The following SEMA3A variants were observed in gnomAD, a reference collection of about 807,000 sequenced individuals.
The protein encoded by SEMA3A is semaphorin 3A.
Under a neutral mutation model 97.9 loss-of-function variants are expected in SEMA3A, and 29 were observed. The observed-to-expected ratio is 0.30, with a 90% CI of 0.22 to 0.40. SEMA3A has a LOEUF of 0.40. Ranked by LOEUF, SEMA3A falls within the 10% of genes least tolerant of loss-of-function variation. SEMA3A has a pLI of 1.00. For synonymous variants in SEMA3A, 321 were observed against 323.7 expected (o/e 0.99, Z 0.09); for missense variants, 763 against 951.3 (o/e 0.80, Z 2.60).
At chr7:84,023,999 G>A (rs567222176) in intron 6 of SEMA3A, among the ~76,000 whole-genome samples, 20 of 133,452 alleles carry the variant, frequency 1.5e-4, no homozygotes, top group Admixed American at 4.8e-4. Flanking sequence ...GCAACGGAGC[G>A]AGACTCCGTC....
At chr7:84,381,438 C>G (rs1364324829) in intron 1 of SEMA3A, among the ~76,000 whole-genome samples, 1 of 152,152 alleles carries the variant, frequency 6.6e-6, no homozygotes, top group African/African-American at 2.4e-5. Flanking sequence ...GTTTTGTCCC[C>G]AGTCATCTAA....
At chr7:84,089,582 A>G (rs1451449937) in intron 4 of SEMA3A, among the ~76,000 whole-genome samples, 1 of 152,138 alleles carries the variant, frequency 6.6e-6, no homozygotes, top group Non-Finnish European at 1.5e-5. Flanking sequence ...AACTTATGCT[A>G]TAATTGCAAA....
intron 3 of SEMA3A, among the ~76,000 whole-genome samples, chr7:84,273,473 C>T (rs991136725): frequency 6.6e-6 from 1 of 152,108 alleles, no homozygotes; most frequent in African/African-American, 2.4e-5. Context: ...CGCATGAATG[C>T]ATAAAGTGAA....
At chr7:84,090,164 T>G (rs969180143) in intron 4 of SEMA3A, among the ~76,000 whole-genome samples, 1 of 152,114 alleles carries the variant, frequency 6.6e-6, no homozygotes, top group African/African-American at 2.4e-5. Context: ...AGGAGTAATT[T>G]TATGCAGTCC....
At chr7:84,175,686 T>C (rs2116219616) in intron 1 of SEMA3A, among the ~76,000 whole-genome samples, 1 of 152,342 alleles carries the variant, frequency 6.6e-6, no homozygotes, top group Non-Finnish European at 1.5e-5. Flanking sequence ...TGGTTTTTGT[T>C]ATCAAAATGA....
At chr7:84,488,025 T>C (rs2116447147) in intron 1 of SEMA3A, among the ~76,000 whole-genome samples, 1 of 152,208 alleles carries the variant, frequency 6.6e-6, no homozygotes, top group African/African-American at 2.4e-5. Flanking sequence ...GTTGGTTTAA[T>C]AATTATAATA....
intron 1 of SEMA3A, among the ~76,000 whole-genome samples, chr7:84,478,022 C>G (rs1806344568): frequency 6.6e-6 from 1 of 152,100 alleles, no homozygotes; most frequent in African/African-American, 2.4e-5. Flanking sequence ...GAGGTAACAT[C>G]TTTTTAGAGT....
intron 1 of SEMA3A, among the ~76,000 whole-genome samples, chr7:84,381,634 T>G (rs929588578): frequency 6.6e-6 from 1 of 152,156 alleles, no homozygotes; most frequent in African/African-American, 2.4e-5. Flanking sequence ...CTATTTGATC[T>G]TCTATTTGGT....
intron 1 of SEMA3A, among the ~76,000 whole-genome samples, chr7:84,158,514 G>T (rs2116154571): frequency 6.6e-6 from 1 of 152,220 alleles, no homozygotes; most frequent in African/African-American, 2.4e-5. Context: ...CTCCCTGTTA[G>T]ATTTTCTTAT....
intron 1 of SEMA3A, among the ~76,000 whole-genome samples, chr7:84,380,479 T>C (rs1803230176): frequency 6.6e-6 from 1 of 152,126 alleles, no homozygotes; most frequent in South Asian, 2.1e-4. Flanking sequence ...GTGATGGTTT[T>C]CTGAAATGGA....
At chr7:84,217,349 G>C (rs1798774361) in intron 3 of SEMA3A, among the ~76,000 whole-genome samples, 1 of 152,156 alleles carries the variant, frequency 6.6e-6, no homozygotes, top group African/African-American at 2.4e-5. Flanking sequence ...AAGATATGTT[G>C]ATGATGCATT....
At chr7:84,441,739 T>C (rs993973818) in intron 1 of SEMA3A, among the ~76,000 whole-genome samples, 17 of 152,084 alleles carry the variant, frequency 1.1e-4, no homozygotes, top group Non-Finnish European at 1.3e-4. Context: ...TATATTATAG[T>C]TAAACTGTTG....
chr7:84,113,148 T>C (rs1233695419), intron 3 of SEMA3A, among the ~76,000 whole-genome samples: 2 of 152,084 alleles, frequency 1.3e-5, no homozygotes, highest in Non-Finnish European at 2.9e-5. Context: ...AACAAAGGAA[T>C]GGAAGGAAAT....
chr7:84,086,498 TATATTATTATATTATATTTATATATA>T (rs1794359468), intron 4 of SEMA3A, among the ~76,000 whole-genome samples: 1 of 58,176 alleles, frequency 1.7e-5, no homozygotes, highest in African/African-American at 3.8e-5. Context: ...TTACATATAA[TATATTATTATATTATATTTATATATA>T]ATATATTATT....
intron 2 of SEMA3A, among the ~76,000 whole-genome samples, chr7:84,321,453 T>C (rs1801641247): frequency 6.6e-6 from 1 of 152,094 alleles, no homozygotes; most frequent in South Asian, 2.1e-4. Flanking sequence ...GAAAGTAAAA[T>C]ACACATGATC....
chr7:84,094,144 G>A (rs920345111), intron 4 of SEMA3A, among the ~76,000 whole-genome samples: 27 of 152,170 alleles, frequency 1.8e-4, no homozygotes, highest in African/African-American at 6.0e-4. Flanking sequence ...AGAGTGGGAT[G>A]TCAATTAAGA....
chr7:84,304,127 T>G (rs1279564868), intron 3 of SEMA3A, among the ~76,000 whole-genome samples: 1 of 152,140 alleles, frequency 6.6e-6, no homozygotes, highest in Non-Finnish European at 1.5e-5. Context: ...AAATAGGGGT[T>G]CATAAAGCAT....
chr7:84,229,273 A>G (rs189798484), intron 3 of SEMA3A, among the ~76,000 whole-genome samples: 2 of 152,176 alleles, frequency 1.3e-5, no homozygotes, highest in African/African-American at 2.4e-5. Flanking sequence ...TGAACAATTA[A>G]AAAGCATTTT....
At chr7:84,193,439 C>T (rs934269391) in intron 1 of SEMA3A, among the ~76,000 whole-genome samples, 4 of 151,988 alleles carry the variant, frequency 2.6e-5, no homozygotes, top group African/African-American at 9.7e-5. Context: ...TTAATTAGAG[C>T]TTCTCACTGC....
Sources: allele counts gnomAD v4.1 joint callset (sites outside exome capture counted in the v4.1 genomes callset), GRCh38; gene constraint gnomAD v4.1.1; transcripts MANE v1.5; gene names NCBI Gene and HGNC (gene_info 2026-07-23, HGNC 2026-07-21).